The following NEGR1 variants were observed in gnomAD, a reference collection of about 807,000 sequenced individuals.
NEGR1 encodes neuronal growth regulator 1.
In NEGR1, 10 loss-of-function variants were observed where a neutral mutation model predicts 40.9. The observed-to-expected ratio is 0.24, with a 90% CI of 0.15 to 0.42. NEGR1 has a LOEUF of 0.42. NEGR1 is among the 10% of genes least tolerant of loss of function. The probability of loss-of-function intolerance (pLI) is 1.00; values close to 1 mark genes in which losing one functional copy is unlikely to be tolerated. For synonymous variants in NEGR1, 185 were observed against 166.8 expected (o/e 1.11, Z -0.84); for missense variants, 352 against 438.9 (o/e 0.80, Z 1.77).
intron 4 of NEGR1, among the ~76,000 whole-genome samples, chr1:71,637,911 A>G (rs1285429801): frequency 6.6e-6 from 1 of 152,042 alleles, no homozygotes; most frequent in East Asian, 1.9e-4. Flanking sequence ...TATACTAAGC[A>G]TATACTATTT....
rs941185545 is a variant in NEGR1 at position 72,105,240 on chromosome 1, C to A, written c.177-169929G>T. On this transcript the variant is annotated intron_variant, in intron 1 of 6. Coordinates refer to ENST00000357731, the MANE Select transcript of NEGR1 (RefSeq NM_173808.3). ...CCCATCATTAAACCCTTCAACTAAT[C>A]CACTTTGAGAATAAAAACTAGATTG... Among the ~76,000 whole-genome samples, 6 of 152,166 alleles carry A rather than the reference C, an allele frequency of 3.9e-5. No individual in the cohort carries two copies. The East Asian group carries it at 1.2e-3, about 29-fold the overall frequency.
intron 1 of NEGR1, among the ~76,000 whole-genome samples, chr1:72,153,847 A>G (rs1651256009): frequency 6.6e-6 from 1 of 151,958 alleles, no homozygotes; most frequent in Admixed American, 6.6e-5. Context: ...GGAAACAAGA[A>G]TAAAGGAATT....
intron 6 of NEGR1, among the ~76,000 whole-genome samples, chr1:71,511,832 G>C (rs1647075275): frequency 6.6e-6 from 1 of 152,254 alleles, no homozygotes; most frequent in African/African-American, 2.4e-5. Flanking sequence ...TATGTATTGA[G>C]AAAACATAAT....
intron 1 of NEGR1, among the ~76,000 whole-genome samples, chr1:72,024,449 TATAAA>T (rs1646789248): frequency 6.6e-6 from 1 of 152,066 alleles, no homozygotes; most frequent in African/African-American, 2.4e-5. Context: ...TATGATGAGC[TATAAA>T]ATAAAATAAA....
intron 2 of NEGR1, among the ~76,000 whole-genome samples, chr1:71,786,474 C>A (rs1235500146): frequency 6.6e-6 from 1 of 152,142 alleles, no homozygotes; most frequent in Non-Finnish European, 1.5e-5. Context: ...AAATAGGACA[C>A]TGTGGCTTTC....
At chr1:72,200,075 A>G (rs1653150354) in intron 1 of NEGR1, among the ~76,000 whole-genome samples, 1 of 151,990 alleles carries the variant, frequency 6.6e-6, no homozygotes, top group Admixed American at 6.6e-5. Flanking sequence ...CAGTGCTGGT[A>G]GGAATGTAAA....
intron 1 of NEGR1, among the ~76,000 whole-genome samples, chr1:72,093,852 A>G (rs1351514412): frequency 6.6e-6 from 1 of 152,208 alleles, no homozygotes; most frequent in Non-Finnish European, 1.5e-5. Flanking sequence ...CTGTTCAACC[A>G]GCAAACATTT....
intron 3 of NEGR1, among the ~76,000 whole-genome samples, chr1:71,725,691 T>G (rs1289793910): frequency 6.6e-6 from 1 of 152,128 alleles, no homozygotes; most frequent in Non-Finnish European, 1.5e-5. Flanking sequence ...TGGGCTTTTG[T>G]CATTATTGTT....
At chr1:72,277,047 G>A (rs1328114714) in intron 1 of NEGR1, among the ~76,000 whole-genome samples, 2 of 152,086 alleles carry the variant, frequency 1.3e-5, no homozygotes, top group Non-Finnish European at 2.9e-5. Flanking sequence ...AGTGGGAGAT[G>A]AATACAGTGA....
chr1:71,684,201 G>A (rs566209227), intron 4 of NEGR1, among the ~76,000 whole-genome samples: 58 of 152,160 alleles, frequency 3.8e-4, no homozygotes, highest in African/African-American at 1.3e-3. Context: ...ACCCGGGAGG[G>A]CGGAGCTTGC....
intron 4 of NEGR1, among the ~76,000 whole-genome samples, chr1:71,663,815 A>G (rs546978879): frequency 4.6e-4 from 70 of 152,172 alleles, no homozygotes; most frequent in Non-Finnish European, 7.8e-4. Flanking sequence ...TTATTGAAGG[A>G]CTAGGTTTGT....
intron 2 of NEGR1, among the ~76,000 whole-genome samples, chr1:71,931,077 T>C (rs928698937): frequency 1.3e-5 from 2 of 152,166 alleles, no homozygotes; most frequent in Non-Finnish European, 2.9e-5. Flanking sequence ...AAGCCCACCC[T>C]TGATAAGGGA....
chr1:71,771,106 G>C (rs1240357611), intron 3 of NEGR1, among the ~76,000 whole-genome samples: 1 of 152,158 alleles, frequency 6.6e-6, no homozygotes, highest in Non-Finnish European at 1.5e-5. Flanking sequence ...ATACACCATG[G>C]AATACTATGC....
At chr1:72,281,671 C>T (rs899190614) in intron 1 of NEGR1, among the ~76,000 whole-genome samples, 2 of 149,620 alleles carry the variant, frequency 1.3e-5, no homozygotes, top group Non-Finnish European at 3.0e-5. Context: ...AAATTAGAGT[C>T]GTGGAGATAA....
intron 6 of NEGR1, among the ~76,000 whole-genome samples, chr1:71,442,302 C>CT (rs1646553460): frequency 8.2e-6 from 1 of 121,648 alleles, no homozygotes; most frequent in Non-Finnish European, 1.6e-5. Context: ...CATAGGAAAA[C>CT]TTTTCCATCG....
At chr1:71,655,229 C>G (rs1376263511) in intron 4 of NEGR1, among the ~76,000 whole-genome samples, 1 of 151,962 alleles carries the variant, frequency 6.6e-6, no homozygotes, top group East Asian at 1.9e-4. Context: ...GTGTTCTGAA[C>G]CATTAAGAAG....
chr1:71,670,140 A>G (rs999744131), intron 4 of NEGR1, among the ~76,000 whole-genome samples: 3 of 152,090 alleles, frequency 2.0e-5, no homozygotes, highest in African/African-American at 7.2e-5. Flanking sequence ...CTCATCTACC[A>G]GTGATGAATT....
intron 6 of NEGR1, among the ~76,000 whole-genome samples, chr1:71,566,725 C>CA (rs1280958379): frequency 6.6e-5 from 10 of 152,142 alleles, no homozygotes; most frequent in African/African-American, 2.2e-4. Context: ...AATACATGAG[C>CA]AAAAAATAAC....
chr1:72,060,410 C>T (rs1647156167), intron 1 of NEGR1, among the ~76,000 whole-genome samples: 1 of 151,636 alleles, frequency 6.6e-6, no homozygotes, highest in Admixed American at 6.6e-5. Flanking sequence ...GTATTTCCCC[C>T]CGAAGGGTAC....
Sources: gnomAD v4.1 joint callset for allele counts (sites outside exome capture counted in the v4.1 genomes callset) on GRCh38, gnomAD v4.1.1 for gene constraint, MANE v1.5 for transcripts, NCBI Gene and HGNC (gene_info 2026-07-23, HGNC 2026-07-21) for gene names.